The following LRP4 variants were observed in gnomAD, a reference collection of about 807,000 sequenced individuals.
LRP4 encodes low-density lipoprotein receptor-related protein 4.
Under a neutral mutation model 220.3 loss-of-function variants are expected in LRP4, and 95 were observed. The ratio of observed to expected loss-of-function variants is 0.43; its 90% CI spans 0.37 to 0.51. The LOEUF (loss-of-function observed/expected upper bound fraction) is 0.51, where lower values mean the gene tolerates loss of function less well. LRP4 is among the 20% of genes least tolerant of loss of function. The pLI is 0.00. For synonymous variants in LRP4, 903 were observed against 954.6 expected, an observed-to-expected ratio of 0.95 and a Z score of 1.00; for missense variants, 1,925 against 2,567.0, an observed-to-expected ratio of 0.75 and a Z score of 5.40.
Position 46,878,863 on chromosome 11 carries a change from C to T in LRP4, c.3136+44G>A, listed in dbSNP as rs570170024. The T allele has an allele frequency of 9.3e-6, 15 of 1,612,880 alleles. No homozygotes were observed. The South Asian group carries it at 1.5e-4, about 17-fold the overall frequency. ...CAAGGAAGGAAGAGAGCCATTGCCC[C>T]CTCCCAGAGAGGCTGCATCTAGATC... On this transcript the variant is annotated intron_variant, in intron 22 of 37. Coordinates refer to ENST00000378623, the MANE Select transcript of LRP4 (RefSeq NM_002334.4).
Position 46,858,911 on chromosome 11 carries a change from T to G in LRP4, c.*72A>C. On this transcript the variant is annotated 3_prime_UTR_variant, in exon 38 of 38. Transcript: ENST00000378623. ...AAGCACACAGAAGCGGGGCCTGCGG[T>G]GTAAGCGAGCACAAGGACTAGACGT... The G allele has an allele frequency of 7.0e-7, 1 of 1,422,630 alleles. No individual in the cohort carries two copies. Among genetic ancestry groups the G allele is most frequent in the South Asian group, 1.2e-5 (1 of 86,832 alleles). 88.1% of individuals were successfully genotyped at this position (1,422,630 alleles called of 1,614,324 possible).
At chr11:46,886,250 G>C in intron 17 of LRP4, 75 bp downstream of exon 17, 1 of 1,598,758 alleles carries the variant, frequency 6.3e-7, no homozygotes, top group Non-Finnish European at 8.6e-7. Flanking sequence ...AATTCTCAAG[G>C]TTGGCAAAGG....
At chr11:46,872,826 G>T (rs1940905846) in intron 30 of LRP4, among the ~76,000 whole-genome samples, 2 of 152,184 alleles carry the variant, frequency 1.3e-5, no homozygotes, top group Admixed American at 1.3e-4. Context: ...TAAATGAGTA[G>T]GGGTGTGAGA....
chr11:46,897,091 C>T (rs1213070524), intron 7 of LRP4, 97 bp from the exon 8 acceptor site: 4 of 1,482,564 alleles, frequency 2.7e-6, no homozygotes, highest in Admixed American at 1.7e-5. Context: ...ACCCATGCCA[C>T]TCTTGACACC....
At chr11:46,898,455 G>A in intron 7 of LRP4, 103 bp downstream of exon 7, 1 of 1,521,064 alleles carries the variant, frequency 6.6e-7, no homozygotes, top group Admixed American at 1.7e-5. Context: ...CAAAGTGCTG[G>A]CATTATAAGC....
chr11:46,906,615 G>A (rs961119326), intron 1 of LRP4, among the ~76,000 whole-genome samples: 5 of 152,164 alleles, frequency 3.3e-5, no homozygotes, highest in Admixed American at 2.0e-4. Context: ...TTTCCAAAAG[G>A]CCTTGATATT....
At chr11:46,898,250 G>A (rs552578208) in intron 7 of LRP4, among the ~76,000 whole-genome samples, 21 of 152,322 alleles carry the variant, frequency 1.4e-4, no homozygotes, top group Middle Eastern at 6.8e-3. Flanking sequence ...CAGGGACGCC[G>A]TCTCGGGTCA....
chr11:46,892,896 A>G (rs1941451222), intron 13 of LRP4, 77 bp downstream of exon 13: 20 of 1,550,852 alleles, frequency 1.3e-5, no homozygotes, highest in Non-Finnish European at 1.7e-5. Context: ...ATGTACTCCC[A>G]GAATGTCTAG....
Position 46,902,022 on chromosome 11 carries a change from T to C in LRP4, c.199+761A>G, listed in dbSNP as rs547087838. 6.2e-3 allele frequency among the ~76,000 whole-genome samples: 938 copies of C among 150,380 alleles called. 4 individuals are homozygous for C. The highest frequency in any genetic ancestry group is 9.7e-3 in the Non-Finnish European group (655 of 67,664). On this transcript the variant is annotated intron_variant, in intron 2 of 37. Transcript: ENST00000378623. ...TGCTGGGATTACAGGCATGAGCCAC[T>C]GCGCCCGGCCTAAGAAAATATAAGA...
chr11:46,875,252 A>C lies in LRP4; in HGVS notation c.3926-149T>G, dbSNP rs1940979051. The C allele has an allele frequency of 3.2e-6, 3 of 929,978 alleles. No homozygotes were observed. Among genetic ancestry groups the C allele is most frequent in the Non-Finnish European group, 5.0e-6 (3 of 597,076 alleles). The allele number at this position is 929,978 out of a possible 1,614,324, so 57.6% of individuals were successfully genotyped here. A position where few individuals can be genotyped will look rare whatever the true frequency, so the allele number is the denominator to read the frequency against. ...GTGAGGTAGAAGGAGGGTCTGCAGG[A>C]GGATCTCCAGGAGTCCTTTGAAGGT... On this transcript the variant is annotated intron_variant, in intron 27 of 37. Transcript: ENST00000378623. The surrounding 1 kb of genome is among the most constrained non-coding windows in gnomAD (Gnocchi z 4.5).
At chr11:46,917,217 G>A (rs1345404944) in intron 1 of LRP4, among the ~76,000 whole-genome samples, 1 of 152,190 alleles carries the variant, frequency 6.6e-6, no homozygotes, top group Non-Finnish European at 1.5e-5. Flanking sequence ...AGAAAGAACC[G>A]GTAAAAGACC....
In LRP4 at chr11:46,918,050, G is replaced by C. The variant is rs1941977314; in HGVS notation, c.52+278C>G. Among the ~76,000 whole-genome samples, 1 of 152,196 alleles carries C rather than the reference G, an allele frequency of 6.6e-6. No individual in the cohort carries two copies. The highest frequency in any genetic ancestry group is 1.5e-5 in the Non-Finnish European group (1 of 68,016). On this transcript the variant is annotated intron_variant, in intron 1 of 37. Transcript: ENST00000378623. This position sits in a 1 kb window ranked among gnomAD's most constrained non-coding sequence, Gnocchi z 6.0. ...CCGCTCTTGAAAGAGCAGCGAGGGA[G>C]GGCGAGCGAACGAACGCCCCGGACC...
chr11:46,874,659 C>G (rs1188820632), intron 28 of LRP4, 141 bp downstream of exon 28: 1 of 702,788 alleles, frequency 1.4e-6, no homozygotes, highest in African/African-American at 1.8e-5. Context: ...AGTGACAACA[C>G]TACAAAGTGA....
intron 18 of LRP4, among the ~76,000 whole-genome samples, chr11:46,884,661 T>A (rs1374346887): frequency 1.5e-5 from 2 of 136,556 alleles, no homozygotes; most frequent in African/African-American, 5.7e-5. Flanking sequence ...GGCGTGAACC[T>A]GGGAGGCGGA....
At chr11:46,900,103 G>A (rs1941635882) in intron 3 of LRP4, 127 bp from the exon 4 acceptor site, 1 of 968,084 alleles carries the variant, frequency 1.0e-6, no homozygotes, top group Non-Finnish European at 1.7e-6. Flanking sequence ...GGAGGTGGCT[G>A]CCTCTCAGCA....
intron 16 of LRP4, among the ~76,000 whole-genome samples, chr11:46,888,418 T>C (rs1158067785): frequency 2.7e-5 from 4 of 150,800 alleles, no homozygotes; most frequent in Non-Finnish European, 5.9e-5. Flanking sequence ...CCAGGTGTGG[T>C]GGCGCATGCT....
At chr11:46,884,085 C>T in intron 18 of LRP4, 109 bp from the exon 19 acceptor site, 1 of 815,182 alleles carries the variant, frequency 1.2e-6, no homozygotes, top group Non-Finnish European at 2.1e-6. Flanking sequence ...AGAGTAGGGG[C>T]TCAAAAGATA....
chr11:46,900,259 C>T lies in LRP4; in HGVS notation c.316+3G>A, dbSNP rs772455590. Reference sequence around the variant, plus strand: ...GTTCCGCCCAGCCTCTGCCAACACTCACGACAGTCCTGCTCATCCGAGTCA... The same window carrying T: ...GTTCCGCCCAGCCTCTGCCAACACTTACGACAGTCCTGCTCATCCGAGTCA... On this transcript the variant is annotated splice_donor_region_variant and intron_variant, in intron 3 of 37. Transcript: ENST00000378623. 9.9e-6 allele frequency: 16 copies of T among 1,610,652 alleles called. No homozygotes were observed. The highest frequency in any genetic ancestry group is 1.1e-5 in the Non-Finnish European group (13 of 1,176,914).
chr11:46,894,605 A>G lies in LRP4; in HGVS notation c.1524T>C (p.Thr508=), dbSNP rs1326842627. Residue 508 remains threonine (T), a synonymous_variant, in exon 12 of 38, where the codon ACT becomes ACC. Transcript: ENST00000378623. ...NGSNVEEVVS[T]GLESPGGLAV... is the part of the protein sequence containing the mutation. ...GTTCCCTACCTGGGCTCTCCAGCCC[A>G]GTAGACACAACCTCCTCCACGTTGC... 6.2e-7 allele frequency: 1 copy of G among 1,608,608 alleles called. No homozygotes were observed. Among genetic ancestry groups the G allele is most frequent in the South Asian group, 1.1e-5 (1 of 90,342 alleles).
Sources: allele counts gnomAD v4.1 joint callset (sites outside exome capture counted in the v4.1 genomes callset), GRCh38; gene constraint gnomAD v4.1.1; non-coding constraint Gnocchi (gnomAD v3.1); transcripts MANE v1.5; gene names NCBI Gene and HGNC (gene_info 2026-07-23, HGNC 2026-07-21).